The following CEP83 variants were observed in gnomAD, a reference collection of about 807,000 sequenced individuals.
CEP83 encodes centrosomal protein 83.
In CEP83, 70 loss-of-function variants were observed where a neutral mutation model predicts 101.9. That is an observed-to-expected ratio of 0.69 (90% CI 0.57 to 0.84). The LOEUF is 0.84. Among genes scored for constraint, CEP83 ranks in the 40% least tolerant of loss-of-function variants. The pLI, the probability that CEP83 is intolerant of heterozygous loss-of-function variation, is 0.00. For synonymous variants in CEP83, 264 were observed against 267.9 expected (o/e 0.99, Z 0.14); for missense variants, 715 against 787.2 (o/e 0.91, Z 1.10).
chr12:94,299,105 T>TATC, the CEP83 span, among the ~76,000 whole-genome samples: 1 of 152,242 alleles, frequency 6.6e-6, no homozygotes, highest in East Asian at 1.9e-4. Context: ...TGTGGTTTTA[T>TATC]ATCATTTTTG....
chr12:94,331,518 C>T (rs1174439817), intron 14 of CEP83, among the ~76,000 whole-genome samples, 182 bp downstream of exon 14: 2 of 151,640 alleles, frequency 1.3e-5, no homozygotes, highest in Non-Finnish European at 2.9e-5. Context: ...AGGCGCCCGC[C>T]ACTATGCCTG....
At chr12:94,348,677 C>T (rs1463143603) in intron 11 of CEP83, among the ~76,000 whole-genome samples, 1 of 152,124 alleles carries the variant, frequency 6.6e-6, no homozygotes, top group Non-Finnish European at 1.5e-5. Flanking sequence ...TGATCTACTA[C>T]AGCTTTCTGA....
At chr12:94,444,823 C>G (rs1048750248) in intron 1 of CEP83, among the ~76,000 whole-genome samples, 1 of 152,058 alleles carries the variant, frequency 6.6e-6, no homozygotes, top group Non-Finnish European at 1.5e-5. Context: ...CATAGTGAGA[C>G]TCTATATCTA....
intron 1 of CEP83, among the ~76,000 whole-genome samples, chr12:94,452,969 A>G (rs1430609688): frequency 1.3e-5 from 2 of 152,228 alleles, no homozygotes; most frequent in African/African-American, 4.8e-5. Context: ...GCTGCTAAAC[A>G]AGGACTTAAA....
intron 2 of CEP83, chr12:94,424,011 C>A: frequency 6.2e-7 from 1 of 1,613,156 alleles, no homozygotes; most frequent in South Asian, 1.1e-5. Context: ...GGTGTCAGAA[C>A]TGAACCTGAA....
In CEP83 at chr12:94,423,071, C is replaced by T. The variant is rs575061275; in HGVS notation, c.-101-10480G>A. Among the ~76,000 whole-genome samples the T allele has an allele frequency of 3.5e-4, 53 of 151,964 alleles. No homozygotes were observed. The Middle Eastern group carries it at 0.01, about 29-fold the overall frequency. ...TGGTTGTACCATTTTCTATTCCAAC[C>T]AAAAACATATGAGAATTTTTTTTTT... On this transcript the variant is annotated intron_variant, in intron 2 of 16. Coordinates refer to ENST00000397809, the MANE Select transcript of CEP83 (RefSeq NM_016122.3).
chr12:94,411,644 C>T, intron 4 of CEP83, 53 bp downstream of exon 4: 1 of 1,388,746 alleles, frequency 7.2e-7, no homozygotes, highest in Non-Finnish European at 1.0e-6. Flanking sequence ...CTTACTTCCA[C>T]TACGTATCTG....
rs367875960 is a variant in CEP83, at chr12:94,331,814, T to A, written c.1593A>T (p.Lys531Asn). The change falls in exon 14 of 17, where the codon AAA (lysine) becomes AAT (asparagine). Residue 531 changes from lysine (K) to asparagine (N), a missense_variant. Transcript: ENST00000397809. ...QLEAEKTLEE[K>N]QIQWLEEKHK... ...GCTTTTCTTCCAACCACTGTATCTGTTTCTCTTCCAATGTCCTGTCAGAAG... is the reference window on the plus strand; with the variant it reads ...GCTTTTCTTCCAACCACTGTATCTGATTCTCTTCCAATGTCCTGTCAGAAG... The A allele has an allele frequency of 4.3e-6, 7 of 1,612,810 alleles. No individual in the cohort carries two copies. In the African/African-American group the frequency reaches 8.0e-5, roughly 18 times the overall value.
chr12:94,415,047 T>A (rs1398440822), intron 2 of CEP83, among the ~76,000 whole-genome samples: 1 of 152,116 alleles, frequency 6.6e-6, no homozygotes, highest in African/African-American at 2.4e-5. Context: ...CATAAAAATG[T>A]GTTTTTATTT....
intron 6 of CEP83, among the ~76,000 whole-genome samples, chr12:94,396,984 A>G (rs887437502): frequency 6.6e-6 from 1 of 152,206 alleles, no homozygotes; most frequent in South Asian, 2.1e-4. Context: ...CAATCATCTC[A>G]CCAGGTTTTA....
At chr12:94,303,709 T>TA, downstream of CEP83, 3 of 1,181,218 alleles carry the variant, frequency 2.5e-6, no homozygotes, top group East Asian at 3.0e-5. Flanking sequence ...TTTTTTTTTT[T>TA]TTTACTCTTT....
At chr12:94,418,634 T>G (rs968589540) in intron 2 of CEP83, among the ~76,000 whole-genome samples, 3 of 152,172 alleles carry the variant, frequency 2.0e-5, no homozygotes, top group Non-Finnish European at 2.9e-5. Flanking sequence ...GAAGGTAGGC[T>G]GATGATTTCC....
intron 11 of CEP83, among the ~76,000 whole-genome samples, chr12:94,359,259 C>A (rs181227869): frequency 1.3e-5 from 2 of 152,300 alleles, no homozygotes; most frequent in African/African-American, 4.8e-5. Context: ...TGTCTCTAAT[C>A]CCTCTAGTGC....
intron 8 of CEP83, 95 bp from the exon 9 acceptor site, chr12:94,370,131 TAGTAA>T (rs1341961391): frequency 4.2e-6 from 3 of 708,586 alleles, no homozygotes; most frequent in Non-Finnish European, 7.5e-6. Context: ...AACGCTCTGG[TAGTAA>T]AGTAGAGTCT....
intron 6 of CEP83, among the ~76,000 whole-genome samples, chr12:94,386,520 A>G (rs200488351): frequency 1.3e-5 from 2 of 152,270 alleles, no homozygotes; most frequent in East Asian, 3.9e-4. Context: ...ATGTAGCTCA[A>G]TTTAGGTTTT....
At chr12:94,291,062 T>A in the CEP83 span, among the ~76,000 whole-genome samples, 1 of 152,200 alleles carries the variant, frequency 6.6e-6, no homozygotes, top group South Asian at 2.1e-4. Context: ...GATTTGCGAG[T>A]GCCCATCAGG....
chr12:94,452,363 A>C (rs995884075), intron 1 of CEP83, among the ~76,000 whole-genome samples: 1 of 152,152 alleles, frequency 6.6e-6, no homozygotes, highest in East Asian at 1.9e-4. Flanking sequence ...AAGCTGTTTA[A>C]AAAGGGCTAG....
At chr12:94,364,943 A>C (rs1472915110) in intron 11 of CEP83, among the ~76,000 whole-genome samples, 3 of 152,192 alleles carry the variant, frequency 2.0e-5, no homozygotes, top group African/African-American at 7.2e-5. Context: ...TTCCTCTTTA[A>C]CCTCAGTTCA....
chr12:94,422,836 A>G (rs923406680), intron 2 of CEP83, among the ~76,000 whole-genome samples: 5 of 152,120 alleles, frequency 3.3e-5, no homozygotes, highest in Non-Finnish European at 4.4e-5. Flanking sequence ...TATAACACAT[A>G]TTGTTTATCC....
Sources: gnomAD v4.1 joint callset for allele counts (sites outside exome capture counted in the v4.1 genomes callset) on GRCh38, gnomAD v4.1.1 for gene constraint, MANE v1.5 for transcripts, NCBI Gene and HGNC (gene_info 2026-07-23, HGNC 2026-07-21) for gene names.